The following COL4A1 variants were observed in gnomAD, a reference collection of about 807,000 sequenced individuals.
The protein encoded by COL4A1 is collagen type IV alpha 1 chain.
In COL4A1, 40 loss-of-function variants were observed where a neutral mutation model predicts 216.6. The observed-to-expected ratio is 0.18, with a 90% confidence interval of 0.14 to 0.24. The LOEUF is 0.24. Among genes scored for constraint, COL4A1 ranks in the 10% least tolerant of loss-of-function variants. The pLI is 1.00. For missense variants in COL4A1, 1,628 were observed against 2,196.8 expected (o/e 0.74, Z 5.18); for synonymous variants, 839 against 810.7 (o/e 1.03, Z -0.59).
At chr13:110,239,874 C>G (rs1881479696) in intron 2 of COL4A1, among the ~76,000 whole-genome samples, 1 of 152,182 alleles carries the variant, frequency 6.6e-6, no homozygotes, top group Non-Finnish European at 1.5e-5. Context: ...AGGCATTTCA[C>G]ATCATTAAAT....
chr13:110,196,633 C>A (rs1268109149), intron 21 of COL4A1, among the ~76,000 whole-genome samples: 1 of 152,066 alleles, frequency 6.6e-6, no homozygotes, highest in African/African-American at 2.4e-5. Context: ...TACATCCTCA[C>A]CAAAGTCCAT....
intron 4 of COL4A1, among the ~76,000 whole-genome samples, chr13:110,213,441 C>T (rs1158785184): frequency 6.6e-6 from 1 of 152,196 alleles, no homozygotes; most frequent in Non-Finnish European, 1.5e-5. Flanking sequence ...ATGAAGTCAT[C>T]TCTGTCTAAT....
intron 49 of COL4A1, chr13:110,160,891 T>A (rs1877051132): frequency 2.5e-6 from 1 of 392,608 alleles, no homozygotes; most frequent in Non-Finnish European, 4.8e-6. Context: ...GTATTTTTTG[T>A]GGAGATGAAG....
Position 110,211,549 on chromosome 13 carries a change from T to G in COL4A1, c.468+98A>C. On this transcript the variant is annotated intron_variant, in intron 8 of 51. Transcript: ENST00000375820. The surrounding 1 kb of genome is among the most constrained non-coding windows in gnomAD (Gnocchi z 4.3). ...GGGAAGTGTGTTCAGAAACAATCGA[T>G]CAGCCAAAGTGGTTTAAAGAGAATG... 1 of 1,170,916 alleles carries G rather than the reference T, an allele frequency of 8.5e-7. No homozygotes were observed. Among genetic ancestry groups the G allele is most frequent in the Non-Finnish European group, 1.2e-6 (1 of 812,308 alleles). The allele number at this position is 1,170,916 out of a possible 1,614,324, so 72.5% of individuals were successfully genotyped here. A position where few individuals can be genotyped will look rare whatever the true frequency, so the allele number is the denominator to read the frequency against.
chr13:110,256,958 TA>T (rs535427734), intron 1 of COL4A1, among the ~76,000 whole-genome samples: 1 of 152,124 alleles, frequency 6.6e-6, no homozygotes, highest in Non-Finnish European at 1.5e-5. Flanking sequence ...GACATGTCTT[TA>T]AAAAAATCTT....
chr13:110,217,748 T>C (rs140423961), intron 2 of COL4A1, among the ~76,000 whole-genome samples: 3 of 152,096 alleles, frequency 2.0e-5, no homozygotes, highest in Admixed American at 6.5e-5. Flanking sequence ...AATTCAGAAT[T>C]TGTGGAGGGA....
chr13:110,241,029 T>A (rs1343644835), intron 2 of COL4A1, among the ~76,000 whole-genome samples: 1 of 152,042 alleles, frequency 6.6e-6, no homozygotes, highest in Non-Finnish European at 1.5e-5. Flanking sequence ...GCCACCACGC[T>A]GGGCTAATTT....
intron 48 of COL4A1, among the ~76,000 whole-genome samples, chr13:110,161,803 CTAAA>C (rs1877098970): frequency 6.6e-6 from 1 of 152,192 alleles, no homozygotes; most frequent in South Asian, 2.1e-4. Flanking sequence ...TTCTGCTGAT[CTAAA>C]CTAGAGGAGC....
intron 23 of COL4A1, 33 bp downstream of exon 23, chr13:110,192,797 T>C (rs1216434720): frequency 6.3e-7 from 1 of 1,595,108 alleles, no homozygotes; most frequent in Admixed American, 1.7e-5. Flanking sequence ...CAAAGCAAAC[T>C]CTGACCTGGT....
At chr13:110,233,835 C>G (rs1194045922) in intron 2 of COL4A1, among the ~76,000 whole-genome samples, 1 of 152,218 alleles carries the variant, frequency 6.6e-6, no homozygotes, top group African/African-American at 2.4e-5. Context: ...CCAAGATTCT[C>G]AAAACATTCT....
intron 51 of COL4A1, among the ~76,000 whole-genome samples, chr13:110,151,587 CA>C (rs1876498646): frequency 6.6e-6 from 1 of 152,112 alleles, no homozygotes; most frequent in Admixed American, 6.5e-5. Context: ...TAATTCTCTC[CA>C]AAAAGGTGAA....
rs16975612 is a variant in COL4A1, at chr13:110,210,180, G to A, written c.501C>T (p.Pro167=). The stretch of plus-strand genomic sequence containing the variant: ...CTCTTTCACCTTTCAACAGCATCCC[G>A]GGCACATGGCCAAGTATCTCACCTG... ...GDPGEILGHV[P]GMLLKGERGF... is the part of the protein sequence containing the mutation. The change falls in exon 9 of 52, where the codon CCC becomes CCT. Residue 167 remains proline, a synonymous_variant. Coordinates refer to ENST00000375820, the MANE Select transcript of COL4A1 (RefSeq NM_001845.6). 4,678 of 1,613,828 alleles carry A rather than the reference G, an allele frequency of 2.9e-3. 118 individuals carry two copies. The African/African-American group carries it at 0.054, about 18-fold the overall frequency.
At position 110,170,600 on chromosome 13, in the gene COL4A1, G is replaced by C. The variant is rs898043581; in HGVS notation, c.3689C>G (p.Ala1230Gly). The C allele has an allele frequency of 8.1e-6, 13 of 1,610,886 alleles. No homozygotes were observed. Among genetic ancestry groups the C allele is most frequent in the African/African-American group, 1.3e-5 (1 of 74,888 alleles). ...QPGLPGSPGHATEGPKGDRGP... is the reference protein window; with the variant it reads ...QPGLPGSPGHGTEGPKGDRGP... ...GCGGTCTCCTTTGGGCCCCTCCGTG[G>C]CATGGCCTGGGGATCCCGGTAACCC... The change falls in exon 42 of 52, where the codon GCC (alanine) becomes GGC (glycine). Residue 1230 changes from alanine to glycine, a missense_variant. Ala to Gly is a moderately conservative substitution (Grantham distance 60). This residue lies in a region of COL4A1 where 345 missense variants were observed against 476.9 expected (regional missense o/e 0.72). Transcript: ENST00000375820.
rs2139199378 is a variant in COL4A1, at chr13:110,207,615, G to A, written c.694-126C>T. 1 of 730,996 alleles carries A rather than the reference G, an allele frequency of 1.4e-6. No individual in the cohort carries two copies. The highest frequency in any genetic ancestry group is 2.3e-6 in the Non-Finnish European group (1 of 430,682). The allele number at this position is 730,996 out of a possible 1,614,324, so 45.3% of individuals were successfully genotyped here. ...TTAAAATGTAATTATACTCTATTCT[G>A]TTCTAATCATCCTTGCCTCTGCAGA... On this transcript the variant is annotated intron_variant, in intron 12 of 51. Coordinates refer to ENST00000375820, the MANE Select transcript of COL4A1 (RefSeq NM_001845.6). The surrounding 1 kb of genome is among the most constrained non-coding windows in gnomAD (Gnocchi z 4.4).
At chr13:110,194,887 T>G in intron 22 of COL4A1, 136 bp downstream of exon 22, 2 of 731,620 alleles carry the variant, frequency 2.7e-6, no homozygotes, top group Non-Finnish European at 4.9e-6. Context: ...GAAGAGATTG[T>G]GAAGAGGGTT....
intron 2 of COL4A1, among the ~76,000 whole-genome samples, chr13:110,219,492 C>A (rs1419197238): frequency 1.3e-5 from 2 of 151,838 alleles, no homozygotes; most frequent in Non-Finnish European, 2.9e-5. Context: ...TTTCTCCCTC[C>A]AGCCCAGACG....
At chr13:110,253,507 C>T (rs56173822) in intron 1 of COL4A1, among the ~76,000 whole-genome samples, 115 of 125,452 alleles carry the variant, frequency 9.2e-4, no homozygotes, top group Non-Finnish European at 1.4e-3. Context: ...TATAATTATA[C>T]GTATTACATA....
intron 21 of COL4A1, among the ~76,000 whole-genome samples, chr13:110,195,327 C>A (rs1380783432): frequency 1.3e-5 from 2 of 152,206 alleles, no homozygotes; most frequent in East Asian, 1.9e-4. Context: ...CCATCCCAAG[C>A]CATCACTGCC....
chr13:110,155,244 GC>G, intron 50 of COL4A1, 38 bp downstream of exon 50: 1 of 1,487,382 alleles, frequency 6.7e-7, no homozygotes, highest in Non-Finnish European at 9.4e-7. Flanking sequence ...CGTGAGTGGG[GC>G]TCTTCCCGGG....
Sources: allele counts gnomAD v4.1 joint callset (sites outside exome capture counted in the v4.1 genomes callset), GRCh38; gene constraint gnomAD v4.1.1; regional missense constraint gnomAD v4.1.1; non-coding constraint Gnocchi (gnomAD v3.1); transcripts MANE v1.5; gene names NCBI Gene and HGNC (gene_info 2026-07-23, HGNC 2026-07-21).